Variants in LIN9 observed in about 807,000 individuals in gnomAD.
LIN9 encodes the protein lin-9 DREAM MuvB core complex component.
A neutral mutation model predicts 78.0 loss-of-function variants in LIN9; 18 were observed. The ratio of observed to expected loss-of-function variants is 0.23; its 90% CI spans 0.16 to 0.34. The LOEUF (loss-of-function observed/expected upper bound fraction) is 0.34. Among genes scored for constraint, LIN9 ranks in the 10% least tolerant of loss-of-function variants. The pLI is 1.00. For missense variants in LIN9, 451 were observed against 644.1 expected (o/e 0.70, Z 3.25); for synonymous variants, 192 against 215.2 (o/e 0.89, Z 0.94).
At chr1:226,270,756 T>C (rs1335113536) in intron 7 of LIN9, among the ~76,000 whole-genome samples, 6 of 129,894 alleles carry the variant, frequency 4.6e-5, no homozygotes, top group South Asian at 2.3e-4. Context: ...GGTAGAGAGG[T>C]AGAGACTGCA....
chr1:226,240,726 C>G (rs1658059587), intron 11 of LIN9, among the ~76,000 whole-genome samples: 1 of 151,978 alleles, frequency 6.6e-6, no homozygotes, highest in South Asian at 2.1e-4. Context: ...ACTCTGTTGC[C>G]CAGGCAGGAC....
intron 1 of LIN9, among the ~76,000 whole-genome samples, chr1:226,307,430 C>A (rs544337623): frequency 2.0e-5 from 3 of 152,084 alleles, no homozygotes. Context: ...GTCGGGAGTT[C>A]GAGACCAGCC....
intron 11 of LIN9, among the ~76,000 whole-genome samples, chr1:226,249,263 G>A (rs1367680162): frequency 6.6e-6 from 1 of 152,216 alleles, no homozygotes; most frequent in Non-Finnish European, 1.5e-5. Flanking sequence ...AAGAATTAGA[G>A]TCCAGTAGGA....
intron 6 of LIN9, among the ~76,000 whole-genome samples, chr1:226,283,817 G>A (rs894440315): frequency 3.5e-4 from 53 of 151,950 alleles, no homozygotes; most frequent in African/African-American, 1.2e-3. Context: ...GCATGGTGGC[G>A]GGCGCCTGTA....
chr1:226,295,076 T>C (rs755799439), intron 4 of LIN9, among the ~76,000 whole-genome samples: 20 of 152,190 alleles, frequency 1.3e-4, no homozygotes, highest in Non-Finnish European at 2.9e-4. Flanking sequence ...GCTGTGATTA[T>C]AGTCATGAGC....
rs1191682131 is a variant in LIN9, at chr1:226,232,434, G to C, written c.*67C>G. 1 of 1,004,824 alleles carries C rather than the reference G, an allele frequency of 1.0e-6. No homozygotes were observed. Among genetic ancestry groups the C allele is most frequent in the East Asian group, 2.5e-5 (1 of 40,654 alleles). 62.2% of individuals were successfully genotyped at this position (1,004,824 alleles called of 1,614,324 possible). The stretch of plus-strand genomic sequence containing the variant: ...GCAGTTAGGTTATTTGGTGTTGGAA[G>C]CCTATATAAAGGAAAAGAACTTCTC... On this transcript the variant is annotated 3_prime_UTR_variant, in exon 15 of 15. Transcript: ENST00000681046.
intron 10 of LIN9, among the ~76,000 whole-genome samples, chr1:226,254,718 T>C (rs1490684362): frequency 6.6e-6 from 1 of 151,920 alleles, no homozygotes; most frequent in East Asian, 1.9e-4. Flanking sequence ...GAGACCATCC[T>C]GGCTAACACG....
chr1:226,308,847 G>A (rs1352005278), intron 1 of LIN9: 1 of 263,454 alleles, frequency 3.8e-6, no homozygotes. Flanking sequence ...AGCAGCCACC[G>A]CCTCCGCCTG....
chr1:226,241,391 CAAAA>C (rs1558155595), intron 11 of LIN9, among the ~76,000 whole-genome samples: 1 of 152,082 alleles, frequency 6.6e-6, no homozygotes, highest in African/African-American at 2.4e-5. Flanking sequence ...ACTAGTTAAT[CAAAA>C]TCAAAATCAT....
intron 10 of LIN9, among the ~76,000 whole-genome samples, chr1:226,261,207 T>C (rs931518332): frequency 9.2e-5 from 14 of 152,000 alleles, no homozygotes; most frequent in African/African-American, 3.4e-4. Context: ...AACTAGAAGT[T>C]TTCCCACTAA....
chr1:226,243,172 C>G (rs902778847), intron 11 of LIN9, among the ~76,000 whole-genome samples: 1 of 152,006 alleles, frequency 6.6e-6, no homozygotes, highest in Non-Finnish European at 1.5e-5. Flanking sequence ...TGGTAACATG[C>G]GAAACAAATA....
chr1:226,273,935 T>TC (rs1053478438), intron 7 of LIN9, among the ~76,000 whole-genome samples: 58 of 152,064 alleles, frequency 3.8e-4, no homozygotes, highest in African/African-American at 1.3e-3. Context: ...CCTCCTGGGT[T>TC]CAAGTGATTC....
chr1:226,308,158 T>C (rs1663039148), intron 1 of LIN9, among the ~76,000 whole-genome samples: 1 of 152,264 alleles, frequency 6.6e-6, no homozygotes, highest in Non-Finnish European at 1.5e-5. Context: ...TTCAGGACTT[T>C]TTTTTGTAAT....
At chr1:226,309,590 TGCCC>T (rs1558218227), upstream of LIN9, 1 of 1,224,310 alleles carries the variant, frequency 8.2e-7, no homozygotes, top group South Asian at 1.4e-5. Flanking sequence ...TGGGTCGCAT[TGCCC>T]GAGGGGGCTC....
Position 226,234,893 on chromosome 1 carries a change from A to AT in LIN9, c.1246-1371dup, listed in dbSNP as rs558971569. 5.9e-3 allele frequency among the ~76,000 whole-genome samples: 795 copies of AT among 134,322 alleles called. 10 individuals carry two copies. The highest frequency in any genetic ancestry group is 0.016 in the African/African-American group (595 of 37,046). 88.1% of individuals were successfully genotyped at this position (134,322 alleles called of 152,430 possible). The stretch of plus-strand genomic sequence containing the variant: ...AGAAACCTGGCTCGCGTTATCCTAA[A>AT]TTTTTTTTTTTTTTTTTTGAGACAG... On this transcript the variant is annotated intron_variant, in intron 12 of 14. Transcript: ENST00000681046.
At chr1:226,302,256 TAG>T (rs1271684773) in intron 1 of LIN9, among the ~76,000 whole-genome samples, 2 of 151,824 alleles carry the variant, frequency 1.3e-5, no homozygotes, top group Non-Finnish European at 2.9e-5. Flanking sequence ...GAAAAATCAA[TAG>T]AGAGGCCGGG....
In LIN9 at chr1:226,233,207, A is replaced by T. The variant is rs1657465106; in HGVS notation, c.1426-14T>A. 1 of 1,576,402 alleles carries T rather than the reference A, an allele frequency of 6.3e-7. No individual in the cohort carries two copies. Among genetic ancestry groups the T allele is most frequent in the Non-Finnish European group, 8.6e-7 (1 of 1,159,598 alleles). On this transcript the variant is annotated splice_polypyrimidine_tract_variant and intron_variant, in intron 13 of 14. Transcript: ENST00000681046. ...TTCTGCTAGACACTAAAGGGAAAAA[A>T]ATTTCAAAATTTAATTGCATTATAG... is the stretch of plus-strand genomic sequence containing the variant.
At chr1:226,296,392 A>G (rs938818590) in intron 3 of LIN9, among the ~76,000 whole-genome samples, 1 of 152,142 alleles carries the variant, frequency 6.6e-6, no homozygotes, top group Non-Finnish European at 1.5e-5. Flanking sequence ...GTATACTATT[A>G]TACTCTATCT....
chr1:226,271,630 T>C (rs757357302), intron 7 of LIN9, among the ~76,000 whole-genome samples: 23 of 152,328 alleles, frequency 1.5e-4, no homozygotes, highest in Middle Eastern at 3.4e-3. Context: ...CCTCTATATG[T>C]GTATTAACAT....
Sources: gnomAD v4.1 joint callset for allele counts (sites outside exome capture counted in the v4.1 genomes callset) on GRCh38, gnomAD v4.1.1 for gene constraint, MANE v1.5 for transcripts, NCBI Gene and HGNC (gene_info 2026-07-23, HGNC 2026-07-21) for gene names.